Variants in PODXL2 observed in about 807,000 individuals in gnomAD.
PODXL2 encodes the protein podocalyxin-like protein 2.
A neutral mutation model predicts 53.4 loss-of-function variants in PODXL2; 17 were observed. The observed-to-expected ratio is 0.32, with a 90% CI of 0.22 to 0.48. The LOEUF (loss-of-function observed/expected upper bound fraction) is 0.48. Ranked by LOEUF, PODXL2 falls within the 20% of genes least tolerant of loss-of-function variation. The pLI, the probability that PODXL2 is intolerant of heterozygous loss-of-function variation, is 0.99. For synonymous variants in PODXL2, 311 were observed against 306.7 expected (o/e 1.01, Z -0.15); for missense variants, 673 against 760.0 (o/e 0.89, Z 1.35).
intron 3 of PODXL2, among the ~76,000 whole-genome samples, chr3:127,661,367 G>A (rs531673063): frequency 3.0e-4 from 46 of 152,138 alleles, no homozygotes; most frequent in Non-Finnish European, 6.0e-4. Flanking sequence ...AAAGGCCTTT[G>A]GAGAAACTTG....
chr3:127,668,663 AC>A, intron 5 of PODXL2, 66 bp downstream of exon 5: 1 of 1,401,916 alleles, frequency 7.1e-7, no homozygotes, highest in Non-Finnish European at 9.4e-7. Flanking sequence ...CCTGAGGGTC[AC>A]GGGAAAAAAG....
At chr3:127,663,230 C>G (rs1271485243) in intron 4 of PODXL2, among the ~76,000 whole-genome samples, 1 of 152,216 alleles carries the variant, frequency 6.6e-6, no homozygotes, top group Non-Finnish European at 1.5e-5. Context: ...TTTTCATCCC[C>G]TCTTCCAAAG....
intron 4 of PODXL2, among the ~76,000 whole-genome samples, chr3:127,665,667 GA>G (rs1231391658): frequency 1.3e-5 from 2 of 152,214 alleles, no homozygotes; most frequent in Admixed American, 1.3e-4. Context: ...ACAAGGAGGA[GA>G]AATATGTGGA....
intron 1 of PODXL2, among the ~76,000 whole-genome samples, chr3:127,630,348 A>T (rs1038975455): frequency 7.2e-5 from 11 of 152,206 alleles, no homozygotes; most frequent in Non-Finnish European, 1.3e-4. Flanking sequence ...GCCTGTGCAC[A>T]CTCATCAGCC....
intron 1 of PODXL2, among the ~76,000 whole-genome samples, chr3:127,630,503 T>A (rs1263661920): frequency 1.3e-5 from 2 of 152,208 alleles, no homozygotes; most frequent in Non-Finnish European, 2.9e-5. Flanking sequence ...AGGCACTTTG[T>A]GTCCAGATGT....
chr3:127,658,968 C>T (rs529367989), intron 2 of PODXL2, among the ~76,000 whole-genome samples: 1 of 151,834 alleles, frequency 6.6e-6, no homozygotes, highest in African/African-American at 2.4e-5. Flanking sequence ...CACTTTTGCC[C>T]TAGAGGCTTT....
At chr3:127,635,858 C>T (rs1332403052) in intron 1 of PODXL2, among the ~76,000 whole-genome samples, 3 of 152,248 alleles carry the variant, frequency 2.0e-5, no homozygotes, top group African/African-American at 7.2e-5. Context: ...CTGGTCTCAG[C>T]TGAACTCCTT....
At chr3:127,638,286 AT>A (rs2074590970) in intron 1 of PODXL2, among the ~76,000 whole-genome samples, 1 of 152,226 alleles carries the variant, frequency 6.6e-6, no homozygotes, top group Non-Finnish European at 1.5e-5. Context: ...GCCTCCTTTA[AT>A]TTGTTTTCCT....
chr3:127,671,475 G>A lies in PODXL2; in HGVS notation c.1467G>A (p.Ala489=), dbSNP rs760396889. 1.9e-6 allele frequency: 3 copies of A among 1,614,068 alleles called. No homozygotes were observed. Among genetic ancestry groups the A allele is most frequent in the Non-Finnish European group, 1.7e-6 (2 of 1,179,988 alleles). The change falls in exon 7 of 8, where the codon GCG becomes GCA. Residue 489 remains alanine (A), a synonymous_variant. Transcript: ENST00000342480. ...QNYSTTSSCQ[A]RASQVRSDYG... is the part of the protein sequence containing the mutation. ...ATTCCACAACCAGCAGCTGCCAGGC[G>A]CGGGCCAGCCAGGTGCGCAGCGACT...
Position 127,671,485 on chromosome 3 carries a change from C to A in PODXL2, c.1477C>A (p.Gln493Lys), listed in dbSNP as rs537185531. 108 of 1,614,150 alleles carry A rather than the reference C, an allele frequency of 6.7e-5. No homozygotes were observed. The Admixed American group carries it at 8.7e-4, about 13-fold the overall frequency. The change falls in exon 7 of 8, where the codon CAG becomes AAG. Residue 493 changes from glutamine (Q) to lysine (K), a missense_variant. Coordinates refer to ENST00000342480, the MANE Select transcript of PODXL2 (RefSeq NM_015720.4). ...TTSSCQARASQVRSDYGTLFV... is the reference protein window; with the variant it reads ...TTSSCQARASKVRSDYGTLFV... ...CAGCAGCTGCCAGGCGCGGGCCAGC[C>A]AGGTGCGCAGCGACTACGGCACGCT... is the stretch of plus-strand genomic sequence containing the variant.
chr3:127,630,671 G>A (rs534726820), intron 1 of PODXL2, among the ~76,000 whole-genome samples: 1 of 152,266 alleles, frequency 6.6e-6, no homozygotes, highest in Admixed American at 6.5e-5. Flanking sequence ...TGCATGTCAT[G>A]GGAAGGCTCA....
chr3:127,639,336 T>C lies in PODXL2; in HGVS notation c.162T>C (p.Thr54=). The C allele has an allele frequency of 6.2e-7, 1 of 1,614,168 alleles. No individual in the cohort carries two copies. Among genetic ancestry groups the C allele is most frequent in the Non-Finnish European group, 8.5e-7 (1 of 1,180,022 alleles). ...STSLLDLLLP[T]GLEPLDSEEP... is the part of the protein sequence containing the mutation. ...CCCTGCTAGACCTCCTGCTGCCCAC[T>C]GGCTTGGAGCCACTGGACTCAGAGG... Residue 54 remains threonine (T), a synonymous_variant, in exon 2 of 8, where the codon ACT becomes ACC. Coordinates refer to ENST00000342480, the MANE Select transcript of PODXL2 (RefSeq NM_015720.4).
intron 6 of PODXL2, among the ~76,000 whole-genome samples, chr3:127,670,828 G>C (rs1447130913): frequency 6.6e-6 from 1 of 152,236 alleles, no homozygotes; most frequent in Non-Finnish European, 1.5e-5. Flanking sequence ...GAGAAGGCAG[G>C]ACTGACCATG....
In PODXL2 at chr3:127,654,390, C is replaced by T. The variant is rs547986409; in HGVS notation, c.350-5988C>T. 2.0e-5 allele frequency among the ~76,000 whole-genome samples: 3 copies of T among 152,270 alleles called. No individual in the cohort carries two copies. The East Asian group carries it at 5.8e-4, about 29-fold the overall frequency. ...AAGCCTGGCTTCTTCACTCTTTATT[C>T]TCAACTCCCATTTGGATCCAGTCTC... is the stretch of plus-strand genomic sequence containing the variant. On this transcript the variant is annotated intron_variant, in intron 2 of 7. Transcript: ENST00000342480.
chr3:127,658,953 C>T (rs1052678791), intron 2 of PODXL2, among the ~76,000 whole-genome samples: 15 of 151,578 alleles, frequency 9.9e-5, no homozygotes, highest in Middle Eastern at 3.2e-3. Context: ...TATCTGTTGT[C>T]TTCTCACTTT....
At chr3:127,643,397 A>G (rs1302283987) in intron 2 of PODXL2, among the ~76,000 whole-genome samples, 1 of 151,604 alleles carries the variant, frequency 6.6e-6, no homozygotes, top group Non-Finnish European at 1.5e-5. Flanking sequence ...TTTAGTAGAG[A>G]TGGGATTTCA....
intron 2 of PODXL2, among the ~76,000 whole-genome samples, chr3:127,645,294 G>A (rs1421204668): frequency 6.6e-6 from 1 of 152,220 alleles, no homozygotes; most frequent in Non-Finnish European, 1.5e-5. Flanking sequence ...TAGAGTCAGT[G>A]TCTTCTCACT....
At chr3:127,657,194 G>T (rs2074730764) in intron 2 of PODXL2, among the ~76,000 whole-genome samples, 1 of 152,170 alleles carries the variant, frequency 6.6e-6, no homozygotes, top group Non-Finnish European at 1.5e-5. Context: ...GAGTTCTGTT[G>T]GTGCCCTCTG....
intron 2 of PODXL2, among the ~76,000 whole-genome samples, chr3:127,652,659 C>G (rs1388235850): frequency 1.3e-5 from 2 of 152,214 alleles, no homozygotes; most frequent in Non-Finnish European, 2.9e-5. Context: ...CCACGTGTCT[C>G]CAGTGTGTCT....
Sources: allele counts gnomAD v4.1 joint callset (sites outside exome capture counted in the v4.1 genomes callset), GRCh38; gene constraint gnomAD v4.1.1; transcripts MANE v1.5; gene names NCBI Gene and HGNC (gene_info 2026-07-23, HGNC 2026-07-21).